Variants in NR1H3 observed in about 807,000 individuals in gnomAD.
NR1H3 encodes nuclear receptor subfamily 1 group H member 3, also known as oxysterols receptor LXR-alpha.
A neutral mutation model predicts 48.1 loss-of-function variants in NR1H3; 19 were observed. The ratio of observed to expected loss-of-function variants is 0.40; its 90% CI spans 0.28 to 0.58. NR1H3 has a LOEUF of 0.58. Ranked by LOEUF, NR1H3 falls within the 20% of genes least tolerant of loss-of-function variation. The pLI, the probability that NR1H3 is intolerant of heterozygous loss-of-function variation, is 0.50. For synonymous variants in NR1H3, 232 were observed against 227.3 expected (o/e 1.02, Z -0.19); for missense variants, 486 against 595.9 (o/e 0.82, Z 1.92).
Position 47,265,247 on chromosome 11 carries a change from C to T in NR1H3, c.989-2666C>T, listed in dbSNP as rs374580292. Among the ~76,000 whole-genome samples, 52 of 151,930 alleles carry T rather than the reference C, an allele frequency of 3.4e-4. 2 individuals are homozygous for T. Among genetic ancestry groups the T allele is most frequent in the South Asian group, 8.3e-4 (4 of 4,816 alleles). ...GGCTGAGGTTGCAGTGAGCTGAGATCGCGCCACTGCACTCCAGCCTGGGTG... is the reference window on the plus strand; with the variant it reads ...GGCTGAGGTTGCAGTGAGCTGAGATTGCGCCACTGCACTCCAGCCTGGGTG... On this transcript the variant is annotated intron_variant, in intron 7 of 9. Coordinates refer to ENST00000441012, the MANE Select transcript of NR1H3 (RefSeq NM_005693.4).
chr11:47,250,176 G>A lies in NR1H3; in HGVS notation c.-93+1177G>A, dbSNP rs146261563. On this transcript the variant is annotated intron_variant, in intron 1 of 8. Coordinates refer to the NR1H3 transcript ENST00000395397. The stretch of plus-strand genomic sequence containing the variant: ...AATCCCAGCACTTTGGGAGGCCAGG[G>A]TGGGAAGATTGCTTGAGCCCAGGAG... Among the ~76,000 whole-genome samples, 721 of 152,290 alleles carry A rather than the reference G, an allele frequency of 4.7e-3. 6 individuals are homozygous for A. The highest frequency in any genetic ancestry group is 0.016 in the African/African-American group (682 of 41,564).
rs143261479 is a variant in NR1H3, at chr11:47,259,617, A to G, written c.44-174A>G. On this transcript the variant is annotated intron_variant, in intron 2 of 9. Coordinates refer to ENST00000441012, the MANE Select transcript of NR1H3 (RefSeq NM_005693.4). ...TTAAGGTCCTGAGATGTAAGAAACT[A>G]CAAGTGACTAGTCCTAGCTAGAGCC... The G allele has an allele frequency of 3.6e-4, 531 of 1,455,184 alleles. 1 individual carries two copies. In the African/African-American group the frequency reaches 7.1e-3, roughly 19 times the overall value. 90.1% of individuals were successfully genotyped at this position (1,455,184 alleles called of 1,614,324 possible).
Position 47,261,562 on chromosome 11 carries a change from C to T in NR1H3, c.724C>T (p.Pro242Ser), listed in dbSNP as rs768992657. ...RLRVTPWPMAPDPHSREARQQ... is the reference protein window; with the variant it reads ...RLRVTPWPMASDPHSREARQQ... ...TCCTGGGTAGCCTTGGCCCATGGCACCAGATCCCCATAGCCGGGAGGCCCG... is the reference window on the plus strand; with the variant it reads ...TCCTGGGTAGCCTTGGCCCATGGCATCAGATCCCCATAGCCGGGAGGCCCG... Residue 242 changes from proline to serine, a missense_variant, in exon 6 of 10, where the codon CCA (proline) becomes TCA (serine). Pro to Ser is a moderately conservative substitution (Grantham distance 74). Coordinates refer to ENST00000441012, the MANE Select transcript of NR1H3 (RefSeq NM_005693.4). The T allele has an allele frequency of 6.2e-7, 1 of 1,614,134 alleles. No individual in the cohort carries two copies. Among genetic ancestry groups the T allele is most frequent in the South Asian group, 1.1e-5 (1 of 91,090 alleles).
At chr11:47,255,527 CT>C (rs879927524), upstream of NR1H3, among the ~76,000 whole-genome samples, 1,084 of 107,486 alleles carry the variant, frequency 0.01, 5 homozygotes, top group Non-Finnish European at 0.017. Context: ...GATAGACTCT[CT>C]TTCTTTCTTT....
intron 3 of NR1H3, 32 bp downstream of exon 3, chr11:47,260,011 G>A (rs1245884837): frequency 6.8e-7 from 1 of 1,471,956 alleles, no homozygotes; most frequent in Non-Finnish European, 9.0e-7. Context: ...AGGAGGTAGG[G>A]GTCCAGATTC....
chr11:47,248,851 G>C, upstream of NR1H3: 1 of 1,552,386 alleles, frequency 6.4e-7, no homozygotes, highest in Non-Finnish European at 8.7e-7. Flanking sequence ...GCAAGCAGCC[G>C]CCCGGACGCA....
At chr11:47,248,375 G>T (rs1954297771), upstream of NR1H3, 1 of 1,440,492 alleles carries the variant, frequency 6.9e-7, no homozygotes, top group Non-Finnish European at 9.4e-7. Context: ...GAAAAGAGAA[G>T]TGAAAGCAAC....
chr11:47,249,955 C>T (rs960251097), intron 1 of NR1H3, among the ~76,000 whole-genome samples: 2 of 151,202 alleles, frequency 1.3e-5, no homozygotes, highest in South Asian at 4.2e-4. Context: ...AAAAAATTAG[C>T]CGGGTGCAGT....
At chr11:47,253,964 A>G (rs954649342), upstream of NR1H3, among the ~76,000 whole-genome samples, 3 of 152,092 alleles carry the variant, frequency 2.0e-5, no homozygotes, top group South Asian at 6.2e-4. Context: ...AGTAAGTCTC[A>G]GTGGTTGGTC....
At chr11:47,266,213 C>CG (rs1230301623) in intron 7 of NR1H3, among the ~76,000 whole-genome samples, 5 of 152,110 alleles carry the variant, frequency 3.3e-5, no homozygotes, top group Non-Finnish European at 5.9e-5. Flanking sequence ...CTCGCTCTGT[C>CG]GCCCAGGCTG....
intron 1 of NR1H3, chr11:47,258,348 G>A (rs1367156796): frequency 3.3e-6 from 1 of 301,072 alleles, no homozygotes; most frequent in Non-Finnish European, 4.9e-6. Flanking sequence ...CTTGGAGACA[G>A]GTTTGTGCTG....
Position 47,259,848 on chromosome 11 carries a change from G to T in NR1H3, c.101G>T (p.Gly34Val). The change falls in exon 3 of 10, where the codon GGA (glycine) becomes GTA (valine). Residue 34 changes from glycine to valine, a missense_variant. Physicochemically the swap from Gly to Val is moderately radical, Grantham distance 109 (BLOSUM62 -3). Coordinates refer to ENST00000441012, the MANE Select transcript of NR1H3 (RefSeq NM_005693.4). ...CAGGATGCAAGCAGCCAGGCCCAGGGAGGCAGCAGCTGCATCCTCAGAGAG... is the reference window on the plus strand; with the variant it reads ...CAGGATGCAAGCAGCCAGGCCCAGGTAGGCAGCAGCTGCATCCTCAGAGAG... The part of the protein sequence containing the change: ...GAQDASSQAQ[G>V]GSSCILREEA... 4 of 1,612,666 alleles carry T rather than the reference G, an allele frequency of 2.5e-6. No individual in the cohort carries two copies. Among genetic ancestry groups the T allele is most frequent in the African/African-American group, 1.3e-5 (1 of 75,008 alleles).
chr11:47,257,211 T>A (rs1415450762), upstream of NR1H3, among the ~76,000 whole-genome samples: 1 of 152,142 alleles, frequency 6.6e-6, no homozygotes, highest in Non-Finnish European at 1.5e-5. Context: ...AGAATGACTA[T>A]AGTCTCAGTA....
At chr11:47,248,786 C>A, upstream of NR1H3, 2 of 1,593,168 alleles carry the variant, frequency 1.3e-6, no homozygotes, top group Non-Finnish European at 1.7e-6. Flanking sequence ...CGCTTGCCCG[C>A]CATCACCGTT....
In NR1H3 at chr11:47,268,325, G is replaced by A. The variant is rs756251616; in HGVS notation, c.1167G>A (p.Leu389=). ...ERLQHTYVEA[L]HAYVSIHHPH... Reference sequence around the variant, plus strand: ...TGCAGCACACATATGTGGAAGCCCTGCATGCCTACGTCTCCATCCACCATC... The same window carrying A: ...TGCAGCACACATATGTGGAAGCCCTACATGCCTACGTCTCCATCCACCATC... The change falls in exon 9 of 10, where the codon CTG becomes CTA. Residue 389 remains leucine, a synonymous_variant. Coordinates refer to ENST00000441012, the MANE Select transcript of NR1H3 (RefSeq NM_005693.4). The A allele has an allele frequency of 3.1e-6, 5 of 1,614,012 alleles. No homozygotes were observed. The South Asian group carries it at 5.5e-5, about 18-fold the overall frequency.
chr11:47,260,516 A>AGCTGCGAGG lies in NR1H3; in HGVS notation c.346_354dup (p.Glu116_Cys118dup). On this transcript the variant is annotated inframe_insertion, in exon 4 of 10. Transcript: ENST00000441012. ...CTCGGGCTTCCACTACAATGTTCTG[A>AGCTGCGAGG]GCTGCGAGGGCTGCAAGGGATTCTT... The AGCTGCGAGG allele has an allele frequency of 6.2e-7, 1 of 1,614,228 alleles. No individual in the cohort carries two copies. Among genetic ancestry groups the AGCTGCGAGG allele is most frequent in the East Asian group, 2.2e-5 (1 of 44,884 alleles).
upstream of NR1H3, chr11:47,248,569 C>A: frequency 6.4e-7 from 1 of 1,551,794 alleles, no homozygotes; most frequent in South Asian, 1.2e-5. Context: ...CCAGGCCAGT[C>A]GTCCCCTCCT....
chr11:47,266,483 G>A (rs968802197), intron 7 of NR1H3, among the ~76,000 whole-genome samples: 3 of 151,698 alleles, frequency 2.0e-5, no homozygotes, highest in Non-Finnish European at 4.4e-5. Context: ...CTACAGGTGC[G>A]CCACCATGCC....
In NR1H3 at chr11:47,261,719, C is replaced by T. The variant is rs556085486; in HGVS notation, c.881C>T (p.Ala294Val). Residue 294 changes from alanine to valine, a missense_variant, in exon 6 of 10, where the codon GCG becomes GTG. Ala to Val is a moderately conservative substitution (Grantham distance 64). Coordinates refer to ENST00000441012, the MANE Select transcript of NR1H3 (RefSeq NM_005693.4). ...CAGATTGCCCTGCTGAAGACCTCTG[C>T]GATCGAGGTGGCTGGAGAAGGGCAA... Reference protein sequence around the residue: ...EDQIALLKTSAIEVMLLETSR... With the variant: ...EDQIALLKTSVIEVMLLETSR... The T allele has an allele frequency of 2.2e-5, 35 of 1,613,976 alleles. No individual in the cohort carries two copies. The highest frequency in any genetic ancestry group is 5.0e-5 in the Admixed American group (3 of 60,024).
Sources: allele counts gnomAD v4.1 joint callset (sites outside exome capture counted in the v4.1 genomes callset), GRCh38; gene constraint gnomAD v4.1.1; transcripts MANE v1.5; gene names NCBI Gene and HGNC (gene_info 2026-07-23, HGNC 2026-07-21).